PABPC1: variants seen among roughly 807,000 people sequenced by gnomAD.
PABPC1 encodes the protein polyadenylate-binding protein 1.
In PABPC1, 4 loss-of-function variants were observed where a neutral mutation model predicts 74.0. The ratio of observed to expected loss-of-function variants is 0.05; its 90% confidence interval spans 0.03 to 0.12. PABPC1 has a LOEUF of 0.12. Ranked by LOEUF, PABPC1 falls within the 10% of genes least tolerant of loss-of-function variation. The probability of loss-of-function intolerance (pLI) is 1.00; values close to 1 mark genes in which losing one functional copy is unlikely to be tolerated. For synonymous variants in PABPC1, 227 were observed against 264.1 expected (o/e 0.86, Z 1.36); for missense variants, 271 against 821.1 (o/e 0.33, Z 8.19).
At chr8:100,710,729 G>C (rs867910219) in intron 7 of PABPC1, among the ~76,000 whole-genome samples, 3 of 152,174 alleles carry the variant, frequency 2.0e-5, no homozygotes, top group African/African-American at 7.2e-5. Flanking sequence ...GCTCACGCCT[G>C]TAATCCTAGC....
At chr8:100,707,073 A>C in intron 9 of PABPC1, 76 bp from the exon 10 acceptor site, 1 of 1,088,012 alleles carries the variant, frequency 9.2e-7, no homozygotes, top group Non-Finnish European at 1.4e-6. Context: ...GTCTTCTTCG[A>C]TCTGAGGTTT....
intron 4 of PABPC1, among the ~76,000 whole-genome samples, chr8:100,713,508 G>T (rs1287090213): frequency 1.3e-5 from 2 of 151,996 alleles, no homozygotes; most frequent in Non-Finnish European, 1.5e-5. Flanking sequence ...CTTTTCTATA[G>T]AGACAGTATA....
intron 9 of PABPC1, 64 bp downstream of exon 9, chr8:100,709,069 T>C (rs919698419): frequency 8.3e-7 from 1 of 1,199,022 alleles, no homozygotes; most frequent in Admixed American, 1.8e-5. Flanking sequence ...ATAGAAGAGC[T>C]GATTTACCCA....
chr8:100,714,347 C>T (rs1810608376), intron 4 of PABPC1, among the ~76,000 whole-genome samples: 1 of 152,148 alleles, frequency 6.6e-6, no homozygotes. Context: ...ATGTCACTTT[C>T]TATGTTTTAT....
intron 1 of PABPC1, among the ~76,000 whole-genome samples, chr8:100,718,973 T>C (rs1810742978): frequency 6.6e-6 from 1 of 152,222 alleles, no homozygotes; most frequent in South Asian, 2.1e-4. Flanking sequence ...GTCTGCAATA[T>C]TCAGAAATCA....
At chr8:100,715,358 T>C in intron 4 of PABPC1, 104 bp downstream of exon 4, 1 of 992,270 alleles carries the variant, frequency 1.0e-6, no homozygotes, top group Non-Finnish European at 1.5e-6. Context: ...AAGTACCATG[T>C]AAGTCTAATT....
intron 14 of PABPC1, among the ~76,000 whole-genome samples, chr8:100,703,944 G>C (rs1389442888): frequency 6.6e-6 from 1 of 151,628 alleles, no homozygotes; most frequent in East Asian, 1.9e-4. Context: ...AATCCCAGCT[G>C]CTCGGGAGGC....
At chr8:100,706,836 C>T (rs1810392414) in intron 10 of PABPC1, 31 bp from the exon 11 acceptor site, 2 of 1,181,734 alleles carry the variant, frequency 1.7e-6, no homozygotes, top group Non-Finnish European at 2.2e-6. Context: ...GTATTTTTAT[C>T]TTGCTCTTTC....
At chr8:100,716,722 G>T (rs60605072) in intron 3 of PABPC1, among the ~76,000 whole-genome samples, 3,871 of 152,206 alleles carry the variant, frequency 0.025, 157 homozygotes, top group African/African-American at 0.087. Flanking sequence ...TTGCTATTCT[G>T]CCCTGGCTGG....
chr8:100,705,084 C>T, intron 12 of PABPC1, 28 bp from the exon 13 acceptor site: 2 of 1,592,712 alleles, frequency 1.3e-6, no homozygotes, highest in East Asian at 2.2e-5. Context: ...CAAAAACTCC[C>T]TTCAATAAAA....
intron 9 of PABPC1, 52 bp downstream of exon 9, chr8:100,709,081 T>C (rs1587150767): frequency 7.7e-7 from 1 of 1,303,838 alleles, no homozygotes; most frequent in East Asian, 2.3e-5. Flanking sequence ...ATTTACCCAA[T>C]GTGTTATTTT....
At chr8:100,705,141 G>T in intron 12 of PABPC1, 85 bp from the exon 13 acceptor site, 1 of 1,068,082 alleles carries the variant, frequency 9.4e-7, no homozygotes, top group Non-Finnish European at 1.4e-6. Flanking sequence ...TGGGGTTTAA[G>T]AACCATACTT....
At chr8:100,705,512 T>C (rs529390303) in intron 12 of PABPC1, 77 bp downstream of exon 12, 62 of 856,796 alleles carry the variant, frequency 7.2e-5, no homozygotes, top group South Asian at 3.1e-4. Context: ...TAGCTGTCAA[T>C]TGATTGACCT....
At chr8:100,714,788 C>G (rs1314691430) in intron 4 of PABPC1, among the ~76,000 whole-genome samples, 1 of 152,112 alleles carries the variant, frequency 6.6e-6, no homozygotes, top group African/African-American at 2.4e-5. Flanking sequence ...CAAGACACCT[C>G]TAAGTTCAAC....
Position 100,703,068 on chromosome 8 carries a change from T to C in PABPC1, c.*293A>G, listed in dbSNP as rs908015627. 3 of 161,826 alleles carry C rather than the reference T, an allele frequency of 1.9e-5. No homozygotes were observed. The highest frequency in any genetic ancestry group is 4.4e-5 in the Non-Finnish European group (3 of 68,108). 10.0% of individuals were successfully genotyped at this position (161,826 alleles called of 1,614,324 possible). Reference sequence around the variant, plus strand: ...AAATTAAAGAAAGGAATGCTTTAAATTTTTGTACTTTGCTGAAAATTCTTT... The same window carrying C: ...AAATTAAAGAAAGGAATGCTTTAAACTTTTGTACTTTGCTGAAAATTCTTT... On this transcript the variant is annotated 3_prime_UTR_variant, in exon 15 of 15. Transcript: ENST00000318607.
chr8:100,711,220 C>T (rs1163171003), intron 7 of PABPC1, among the ~76,000 whole-genome samples: 1 of 151,964 alleles, frequency 6.6e-6, no homozygotes, highest in Non-Finnish European at 1.5e-5. Flanking sequence ...GCGGAGGCTG[C>T]AGTGAGCTGA....
chr8:100,704,833 T>TAA, intron 13 of PABPC1, 93 bp downstream of exon 13: 2 of 1,262,778 alleles, frequency 1.6e-6, no homozygotes, highest in Non-Finnish European at 1.1e-6. Flanking sequence ...GGCTTATATA[T>TAA]AACACGATGT....
intron 8 of PABPC1, 43 bp downstream of exon 8, chr8:100,709,416 A>G: frequency 6.2e-7 from 1 of 1,608,812 alleles, no homozygotes; most frequent in Non-Finnish European, 8.5e-7. Flanking sequence ...GAAATGACCA[A>G]ATACGAAAAC....
chr8:100,704,444 G>T, intron 13 of PABPC1, 54 bp from the exon 14 acceptor site: 1 of 1,385,226 alleles, frequency 7.2e-7, no homozygotes. Flanking sequence ...GAAATAAAGA[G>T]TTTCATAATG....
Sources: allele counts gnomAD v4.1 joint callset (sites outside exome capture counted in the v4.1 genomes callset), GRCh38; gene constraint gnomAD v4.1.1; transcripts MANE v1.5; gene names NCBI Gene and HGNC (gene_info 2026-07-23, HGNC 2026-07-21).